HSPA12A: variants seen among roughly 807,000 people sequenced by gnomAD.
HSPA12A encodes the protein heat shock protein family A (Hsp70) member 12A.
HSPA12A carries 28 observed loss-of-function variants against 69.2 expected under a neutral mutation model. The observed-to-expected ratio is 0.40, with a 90% CI of 0.30 to 0.55. The LOEUF is 0.55. HSPA12A is among the 20% of genes least tolerant of loss of function. The pLI is 0.38. For missense variants in HSPA12A, 686 were observed against 900.7 expected (o/e 0.76, Z 3.05); for synonymous variants, 345 against 370.5 (o/e 0.93, Z 0.79).
chr10:116,768,112 T>C lies in HSPA12A; in HGVS notation c.92-60827A>G, dbSNP rs112193751. Among the ~76,000 whole-genome samples the C allele has an allele frequency of 9.1e-4, 138 of 152,270 alleles. 3 individuals carry two copies. The highest frequency in any genetic ancestry group is 3.2e-3 in the African/African-American group (133 of 41,548). ...AAAGTAGAAACAACCCAAGCATCCA[T>C]CCACGGGTGAATGGATCAAATGTGT... is the stretch of plus-strand genomic sequence containing the variant. On this transcript the variant is annotated intron_variant, in intron 2 of 12. Transcript: ENST00000635765.
chr10:116,810,016 C>G (rs1246959223), intron 2 of HSPA12A, among the ~76,000 whole-genome samples: 1 of 152,128 alleles, frequency 6.6e-6, no homozygotes, highest in Admixed American at 6.5e-5. Flanking sequence ...GGAAAACAAC[C>G]GAAGCCCACC....
At chr10:116,748,693 C>A (rs1851705169) in intron 2 of HSPA12A, among the ~76,000 whole-genome samples, 1 of 152,114 alleles carries the variant, frequency 6.6e-6, no homozygotes, top group Non-Finnish European at 1.5e-5. Context: ...TGGCGGTGGG[C>A]AAAGAGAGAG....
Position 116,701,062 on chromosome 10 carries a change from C to T in HSPA12A, c.322G>A (p.Glu108Lys), listed in dbSNP as rs781817907. The T allele has an allele frequency of 2.2e-5, 35 of 1,614,052 alleles. No individual in the cohort carries two copies. The highest frequency in any genetic ancestry group is 2.6e-5 in the Non-Finnish European group (31 of 1,180,054). The change falls in exon 4 of 12, where the codon GAG (glutamate) becomes AAG (lysine). Residue 108 changes from glutamate (E) to lysine (K), a missense_variant. Glu to Lys is a moderately conservative substitution (Grantham distance 56). Transcript: ENST00000369209. ...TACCCGAAGCTGTGGAACTTCCTCT[C>T]GGGAGTCAGCAAGATGGTGGTTGGA... ...KTPTTILLTP[E>K]RKFHSFGYAA...
intron 2 of HSPA12A, among the ~76,000 whole-genome samples, chr10:116,810,233 G>A (rs1845150628): frequency 6.6e-6 from 1 of 152,106 alleles, no homozygotes; most frequent in African/African-American, 2.4e-5. Flanking sequence ...ATTAAATGCG[G>A]AGCCGGCGGG....
Position 116,676,427 on chromosome 10 carries a change from C to A in HSPA12A, c.1362G>T (p.Pro454=). Residue 454 remains proline (P), a synonymous_variant, in exon 11 of 12, where the codon CCG becomes CCT. Transcript: ENST00000369209. Reference sequence around the variant, plus strand: ...GATGCTCAATGATGCTATCGATGGTCGGCTTAAAAAGGGCGTTCATGGCAT... The same window carrying A: ...GATGCTCAATGATGCTATCGATGGTAGGCTTAAAAAGGGCGTTCATGGCAT... ...SPDAMNALFK[P]TIDSIIEHLR... 3.7e-6 allele frequency: 6 copies of A among 1,613,908 alleles called. No individual in the cohort carries two copies. Among genetic ancestry groups the A allele is most frequent in the Non-Finnish European group, 5.1e-6 (6 of 1,179,986 alleles).
At chr10:116,769,986 G>A (rs1844164887) in intron 2 of HSPA12A, among the ~76,000 whole-genome samples, 1 of 152,220 alleles carries the variant, frequency 6.6e-6, no homozygotes, top group Admixed American at 6.5e-5. Flanking sequence ...AAGAAGCGAT[G>A]ACGCCACAGA....
At chr10:116,767,473 C>T (rs1053138724) in intron 2 of HSPA12A, among the ~76,000 whole-genome samples, 1 of 152,180 alleles carries the variant, frequency 6.6e-6, no homozygotes, top group Non-Finnish European at 1.5e-5. Flanking sequence ...CCTGGGGCCT[C>T]GGGAGCCTCC....
chr10:116,777,002 A>T (rs961680599), intron 2 of HSPA12A, among the ~76,000 whole-genome samples: 5 of 152,248 alleles, frequency 3.3e-5, no homozygotes, highest in Admixed American at 3.3e-4. Context: ...TCAAGGAAGC[A>T]ATGCACAGGG....
chr10:116,773,869 G>A (rs1485727857), intron 2 of HSPA12A, among the ~76,000 whole-genome samples: 1 of 152,206 alleles, frequency 6.6e-6, no homozygotes, highest in Admixed American at 6.5e-5. Flanking sequence ...TGACGGGGTG[G>A]AGGACTTGGA....
At chr10:116,749,226 T>G (rs1361242548) in intron 2 of HSPA12A, among the ~76,000 whole-genome samples, 1 of 152,214 alleles carries the variant, frequency 6.6e-6, no homozygotes, top group Non-Finnish European at 1.5e-5. Context: ...GGCTTTAAAG[T>G]CATTTTGCAA....
intron 2 of HSPA12A, among the ~76,000 whole-genome samples, chr10:116,783,346 A>G: frequency 6.6e-6 from 1 of 152,212 alleles, no homozygotes; most frequent in African/African-American, 2.4e-5. Context: ...GTGCCCTGGC[A>G]AAGTGTGCAG....
At position 116,787,488 on chromosome 10, in the gene HSPA12A, T is replaced by C. The variant is rs547085136; in HGVS notation, c.91+47447A>G. ...ACCACAGGCGCCTTCTGTGAAGTGA[T>C]GTGGGAGGCTTTCAGCGTCATTGCT... On this transcript the variant is annotated intron_variant, in intron 2 of 12. Coordinates refer to the HSPA12A transcript ENST00000635765. Among the ~76,000 whole-genome samples the C allele has an allele frequency of 1.5e-4, 21 of 144,312 alleles. No homozygotes were observed. In the South Asian group the frequency reaches 4.5e-3, roughly 31 times the overall value. 94.7% of individuals were successfully genotyped at this position (144,312 alleles called of 152,430 possible).
chr10:116,688,902 A>C lies in HSPA12A; in HGVS notation c.663+3449T>G, dbSNP rs115942750. Among the ~76,000 whole-genome samples, 714 of 152,268 alleles carry C rather than the reference A, an allele frequency of 4.7e-3. 7 individuals carry two copies. The highest frequency in any genetic ancestry group is 0.016 in the African/African-American group (680 of 41,568). On this transcript the variant is annotated intron_variant, in intron 6 of 11. Coordinates refer to ENST00000369209, the MANE Select transcript of HSPA12A (RefSeq NM_025015.3). Reference sequence around the variant, plus strand: ...AGTCTCCAGTTCTAAGTCTTTTCTAAAGGCCTCAGAAGAGGGATCAGCTGT... The same window carrying C: ...AGTCTCCAGTTCTAAGTCTTTTCTACAGGCCTCAGAAGAGGGATCAGCTGT...
At chr10:116,689,624 GACA>G (rs1849677052) in intron 6 of HSPA12A, among the ~76,000 whole-genome samples, 1 of 149,054 alleles carries the variant, frequency 6.7e-6, no homozygotes, top group Admixed American at 6.6e-5. Context: ...CAGACAGACA[GACA>G]GACAGACAGA....
At chr10:116,773,077 C>A (rs782346529) in intron 2 of HSPA12A, among the ~76,000 whole-genome samples, 6 of 152,130 alleles carry the variant, frequency 3.9e-5, no homozygotes, top group Non-Finnish European at 8.8e-5. Context: ...TCTGGGTGAG[C>A]CAGGGGACTT....
chr10:116,795,916 G>A (rs984086281), intron 2 of HSPA12A, among the ~76,000 whole-genome samples: 58 of 151,344 alleles, frequency 3.8e-4, no homozygotes, highest in African/African-American at 1.4e-3. Flanking sequence ...GGAGGCCGAG[G>A]CGGGTGGATC....
At chr10:116,800,217 C>A (rs1844925454) in intron 2 of HSPA12A, among the ~76,000 whole-genome samples, 1 of 152,202 alleles carries the variant, frequency 6.6e-6, no homozygotes, top group Non-Finnish European at 1.5e-5. Context: ...ATTCCCTTAG[C>A]ACCAAGTTGG....
intron 2 of HSPA12A, among the ~76,000 whole-genome samples, chr10:116,767,374 G>A (rs770981337): frequency 3.9e-5 from 6 of 152,024 alleles, no homozygotes; most frequent in African/African-American, 2.4e-5. Context: ...CACCAGTGAC[G>A]GTGCAGACAA....
At chr10:116,721,185 C>T (rs1850764991) in intron 1 of HSPA12A, among the ~76,000 whole-genome samples, 1 of 152,226 alleles carries the variant, frequency 6.6e-6, no homozygotes, top group Non-Finnish European at 1.5e-5. Flanking sequence ...GTTAAGTATG[C>T]ATGGCAAAAT....
Sources: allele counts gnomAD v4.1 joint callset (sites outside exome capture counted in the v4.1 genomes callset), GRCh38; gene constraint gnomAD v4.1.1; transcripts MANE v1.5; gene names NCBI Gene and HGNC (gene_info 2026-07-23, HGNC 2026-07-21).